Variants in PKHD1 observed in about 807,000 individuals in gnomAD.
PKHD1 encodes PKHD1 ciliary IPT domain containing fibrocystin/polyductin.
Under a neutral mutation model 412.0 loss-of-function variants are expected in PKHD1, and 291 were observed. That is an observed-to-expected ratio of 0.71 (90% CI 0.64 to 0.78). The LOEUF is 0.78. Ranked by LOEUF, PKHD1 falls within the 30% of genes least tolerant of loss-of-function variation. PKHD1 has a pLI of 0.00. For synonymous variants in PKHD1, 1,777 were observed against 1,821.5 expected, an observed-to-expected ratio of 0.98 and a Z score of 0.62; for missense variants, 4,825 against 4,950.7, an observed-to-expected ratio of 0.97 and a Z score of 0.76.
intron 27 of PKHD1, among the ~76,000 whole-genome samples, chr6:52,039,797 T>G (rs1318351277): frequency 6.6e-6 from 1 of 152,192 alleles, no homozygotes; most frequent in African/African-American, 2.4e-5. Context: ...TGCAAATCAT[T>G]GTACACAAAT....
At chr6:51,733,436 C>G (rs1161588791) in intron 60 of PKHD1, among the ~76,000 whole-genome samples, 1 of 151,018 alleles carries the variant, frequency 6.6e-6, no homozygotes, top group East Asian at 2.0e-4. Context: ...GCTACTGAGG[C>G]TGAGGCAGGA....
intron 32 of PKHD1, among the ~76,000 whole-genome samples, chr6:52,023,935 T>A (rs1199174568): frequency 6.6e-6 from 1 of 152,212 alleles, no homozygotes; most frequent in Non-Finnish European, 1.5e-5. Flanking sequence ...ACTCCAACAG[T>A]CTAAGATTCT....
intron 55 of PKHD1, among the ~76,000 whole-genome samples, chr6:51,761,187 CAAAT>C (rs1320354046): frequency 6.6e-6 from 1 of 151,884 alleles, no homozygotes; most frequent in Non-Finnish European, 1.5e-5. Context: ...TGCCCATCGA[CAAAT>C]GAATGGATAA....
At chr6:51,665,453 A>T (rs1048436964) in intron 60 of PKHD1, among the ~76,000 whole-genome samples, 4 of 152,008 alleles carry the variant, frequency 2.6e-5, no homozygotes, top group African/African-American at 9.7e-5. Flanking sequence ...GACCCGAAAA[A>T]CCCCACAAAT....
chr6:52,084,898 T>C lies in PKHD1; in HGVS notation c.36A>G (p.Glu12=), dbSNP rs1562310711. ...TAWLISLMSI[E]VLLLAVRHLS... is the part of the protein sequence containing the mutation. ...TCTACTGACCTGCCAAAAGTAGTAC[T>C]TCAATACTCATCAGAGAGATCAGCC... Residue 12 remains glutamate, a synonymous_variant, in exon 2 of 67, where the codon GAA becomes GAG. Transcript: ENST00000371117. 1 of 1,605,962 alleles carries C rather than the reference T, an allele frequency of 6.2e-7. No individual in the cohort carries two copies. Among genetic ancestry groups the C allele is most frequent in the Non-Finnish European group, 8.5e-7 (1 of 1,172,644 alleles).
At chr6:51,955,746 T>C (rs974084133) in intron 36 of PKHD1, among the ~76,000 whole-genome samples, 1 of 152,108 alleles carries the variant, frequency 6.6e-6, no homozygotes, top group Non-Finnish European at 1.5e-5. Flanking sequence ...CTTTGTAATA[T>C]AGAAATGGCT....
At chr6:52,043,823 G>A (rs748036325) in intron 25 of PKHD1, 93 bp from the exon 26 acceptor site, 7 of 831,388 alleles carry the variant, frequency 8.4e-6, no homozygotes, top group African/African-American at 1.7e-5. Flanking sequence ...AAGCTGACAC[G>A]TGTTCATGAT....
intron 56 of PKHD1, 77 bp downstream of exon 56, chr6:51,754,707 C>T (rs901618097): frequency 2.9e-5 from 36 of 1,257,636 alleles, no homozygotes; most frequent in Middle Eastern, 3.7e-4. Flanking sequence ...CAATCAGATC[C>T]GAGGTCCCCA....
At chr6:51,670,737 G>A (rs148043494) in intron 60 of PKHD1, among the ~76,000 whole-genome samples, 8,838 of 151,960 alleles carry the variant, frequency 0.058, 304 homozygotes, top group Non-Finnish European at 0.078. Flanking sequence ...TTTTAGGGCA[G>A]GCCTGGTGGT....
chr6:51,923,494 G>GTTTA (rs1785029718), intron 37 of PKHD1, among the ~76,000 whole-genome samples: 1 of 142,748 alleles, frequency 7.0e-6, no homozygotes, highest in African/African-American at 2.6e-5. Flanking sequence ...CCTAGTTAAA[G>GTTTA]ACAGACACAA....
intron 33 of PKHD1, among the ~76,000 whole-genome samples, chr6:52,022,553 G>C (rs1251373201): frequency 6.6e-6 from 1 of 152,064 alleles, no homozygotes; most frequent in Admixed American, 6.6e-5. Context: ...TAAGAACACA[G>C]GTGATAAGTG....
chr6:51,893,993 G>C (rs34590724), intron 43 of PKHD1, among the ~76,000 whole-genome samples: 10,154 of 152,206 alleles, frequency 0.067, 441 homozygotes, highest in African/African-American at 0.12. Flanking sequence ...ACATAAACAT[G>C]GGAGACTCTG....
At chr6:52,070,045 C>T (rs1017724340) in intron 10 of PKHD1, among the ~76,000 whole-genome samples, 10 of 152,120 alleles carry the variant, frequency 6.6e-5, no homozygotes, top group African/African-American at 1.9e-4. Context: ...ATGTGGACCC[C>T]TTCCATTTTC....
chr6:52,082,150 G>A (rs557380910), intron 4 of PKHD1, among the ~76,000 whole-genome samples: 3 of 152,122 alleles, frequency 2.0e-5, no homozygotes, highest in African/African-American at 7.2e-5. Context: ...AAAACAAATG[G>A]AAACACAATC....
chr6:51,765,026 G>A (rs2151085514), intron 55 of PKHD1, among the ~76,000 whole-genome samples: 1 of 151,998 alleles, frequency 6.6e-6, no homozygotes, highest in Non-Finnish European at 1.5e-5. Context: ...TTTTCTTCTT[G>A]GCATCTACTC....
intron 36 of PKHD1, among the ~76,000 whole-genome samples, chr6:51,940,677 G>A (rs775410670): frequency 4.5e-4 from 69 of 151,678 alleles, no homozygotes; most frequent in African/African-American, 1.4e-3. Context: ...CGATTGCCTC[G>A]GAAGCCTACA....
At chr6:52,039,644 A>T (rs1804519823) in intron 27 of PKHD1, among the ~76,000 whole-genome samples, 1 of 152,220 alleles carries the variant, frequency 6.6e-6, no homozygotes, top group Non-Finnish European at 1.5e-5. Context: ...GAACCCTCTT[A>T]TATTGCTAGT....
intron 43 of PKHD1, among the ~76,000 whole-genome samples, chr6:51,893,810 G>A (rs1311266419): frequency 6.6e-6 from 1 of 152,166 alleles, no homozygotes; most frequent in East Asian, 1.9e-4. Context: ...TATTGAGTGG[G>A]GAAAGCTTGA....
At chr6:51,640,296 C>T (rs1769177229) in intron 63 of PKHD1, among the ~76,000 whole-genome samples, 1 of 152,174 alleles carries the variant, frequency 6.6e-6, no homozygotes, top group Non-Finnish European at 1.5e-5. Flanking sequence ...AGAACAGCCG[C>T]CAAATTGCCT....
Sources: gnomAD v4.1 joint callset for allele counts (sites outside exome capture counted in the v4.1 genomes callset) on GRCh38, gnomAD v4.1.1 for gene constraint, MANE v1.5 for transcripts, NCBI Gene and HGNC (gene_info 2026-07-23, HGNC 2026-07-21) for gene names.